Variants in VPS13B observed in about 807,000 individuals in gnomAD.
The protein encoded by VPS13B is intermembrane lipid transfer protein VPS13B.
A neutral mutation model predicts 426.4 loss-of-function variants in VPS13B; 285 were observed. The ratio of observed to expected loss-of-function variants is 0.67; its 90% CI spans 0.61 to 0.74. The LOEUF is 0.74. Ranked by LOEUF, VPS13B falls within the 30% of genes least tolerant of loss-of-function variation. The pLI is 0.00. For missense variants in VPS13B, 4,537 were observed against 4,782.6 expected, an observed-to-expected ratio of 0.95 and a Z score of 1.51; for synonymous variants, 1,676 against 1,676.4, an observed-to-expected ratio of 1.00 and a Z score of 0.01.
intron 17 of VPS13B, among the ~76,000 whole-genome samples, chr8:99,204,196 A>G (rs1350617525): frequency 1.3e-5 from 2 of 152,254 alleles, no homozygotes; most frequent in Non-Finnish European, 2.9e-5. Context: ...GGCCTCAGAA[A>G]TAACACCACA....
At chr8:99,253,789 C>A (rs188461367) in intron 17 of VPS13B, among the ~76,000 whole-genome samples, 4 of 152,080 alleles carry the variant, frequency 2.6e-5, no homozygotes, top group Admixed American at 2.6e-4. Flanking sequence ...TTTGCTATCT[C>A]TGTTTTTCAT....
In VPS13B at chr8:99,492,949, C is replaced by T. The variant is rs561938806; in HGVS notation, c.3871-8738C>T. On this transcript the variant is annotated intron_variant, in intron 25 of 61. Coordinates refer to ENST00000357162, the MANE Select transcript of VPS13B (RefSeq NM_152564.5). Reference sequence around the variant, plus strand: ...TGCAGAAATCACCCATCTTCTGCGTCGATCTCACTGGGAGCTGTAGGCTAG... The same window carrying T: ...TGCAGAAATCACCCATCTTCTGCGTTGATCTCACTGGGAGCTGTAGGCTAG... Among the ~76,000 whole-genome samples, 4 of 152,260 alleles carry T rather than the reference C, an allele frequency of 2.6e-5. No individual in the cohort carries two copies. In the South Asian group the frequency reaches 8.3e-4, roughly 32 times the overall value.
chr8:99,626,856 C>G (rs114113785), intron 33 of VPS13B, among the ~76,000 whole-genome samples: 1 of 152,242 alleles, frequency 6.6e-6, no homozygotes, highest in African/African-American at 2.4e-5. Flanking sequence ...TTCACAATAG[C>G]TAGGAGTCAA....
chr8:99,324,327 G>A (rs923280175), intron 19 of VPS13B, among the ~76,000 whole-genome samples: 1 of 152,136 alleles, frequency 6.6e-6, no homozygotes, highest in Non-Finnish European at 1.5e-5. Context: ...CAGCTTTTAA[G>A]TACTGCCCAT....
At chr8:99,593,607 T>C (rs1042755726) in intron 33 of VPS13B, among the ~76,000 whole-genome samples, 2 of 152,092 alleles carry the variant, frequency 1.3e-5, no homozygotes, top group African/African-American at 4.8e-5. Flanking sequence ...TACATGCACG[T>C]ATATGTTCAT....
At chr8:99,848,628 A>C (rs1364960684) in intron 54 of VPS13B, 148 bp from the exon 55 acceptor site, 16 of 764,144 alleles carry the variant, frequency 2.1e-5, no homozygotes, top group Non-Finnish European at 3.3e-5. Flanking sequence ...ATTTCAAGTC[A>C]ACTGAATAGC....
At chr8:99,091,614 C>T (rs1846153489) in intron 3 of VPS13B, 1 of 152,036 alleles carries the variant, frequency 6.6e-6, no homozygotes, top group African/African-American at 2.4e-5. Flanking sequence ...CTATTTTTAC[C>T]ATGAAAGTTA....
intron 30 of VPS13B, among the ~76,000 whole-genome samples, chr8:99,521,316 C>T (rs547886057): frequency 7.0e-4 from 106 of 152,240 alleles, no homozygotes; most frequent in Admixed American, 1.4e-3. Context: ...CATAAGAAAA[C>T]GAGGTCCTCT....
intron 34 of VPS13B, among the ~76,000 whole-genome samples, chr8:99,652,507 T>C (rs552585107): frequency 6.6e-6 from 1 of 152,190 alleles, no homozygotes; most frequent in South Asian, 2.1e-4. Context: ...TCAATGTAAT[T>C]CTAGCTATTG....
At chr8:99,565,705 G>A (rs192681152) in intron 31 of VPS13B, among the ~76,000 whole-genome samples, 140 of 152,108 alleles carry the variant, frequency 9.2e-4, no homozygotes, top group Middle Eastern at 6.8e-3. Context: ...TTCCAGAATT[G>A]CATCTGGAAT....
intron 24 of VPS13B, among the ~76,000 whole-genome samples, chr8:99,476,900 A>G (rs1360424112): frequency 6.6e-6 from 1 of 152,170 alleles, no homozygotes; most frequent in African/African-American, 2.4e-5. Flanking sequence ...GAGTTTGCTC[A>G]TTCGTGAATT....
chr8:99,094,538 GTGT>G (rs1196045051), intron 3 of VPS13B, among the ~76,000 whole-genome samples: 4 of 152,148 alleles, frequency 2.6e-5, no homozygotes, highest in African/African-American at 4.8e-5. Flanking sequence ...AAAATTTTCA[GTGT>G]TGTTTATGGT....
chr8:99,336,545 A>T (rs962235054), intron 19 of VPS13B, among the ~76,000 whole-genome samples: 2 of 152,204 alleles, frequency 1.3e-5, no homozygotes, highest in African/African-American at 4.8e-5. Context: ...GCTTCTGCAC[A>T]GCAAAAGAAA....
chr8:99,515,191 G>A (rs1486655055), intron 29 of VPS13B, among the ~76,000 whole-genome samples: 1 of 152,100 alleles, frequency 6.6e-6, no homozygotes, highest in Non-Finnish European at 1.5e-5. Flanking sequence ...TTTCTGTGGG[G>A]CTTTTTTAGT....
chr8:99,084,445 C>CT (rs769788453), intron 3 of VPS13B, among the ~76,000 whole-genome samples: 85 of 152,256 alleles, frequency 5.6e-4, no homozygotes, highest in African/African-American at 8.7e-4. Context: ...TTTTGTGTCT[C>CT]TGTTTCCTTC....
At chr8:99,026,341 A>G (rs1304575311) in intron 2 of VPS13B, among the ~76,000 whole-genome samples, 2 of 152,108 alleles carry the variant, frequency 1.3e-5, no homozygotes, top group Non-Finnish European at 2.9e-5. Flanking sequence ...GTTTTATTCT[A>G]TTGTGGTTAG....
At chr8:99,402,917 G>C (rs1218497211) in intron 21 of VPS13B, among the ~76,000 whole-genome samples, 1 of 152,162 alleles carries the variant, frequency 6.6e-6, no homozygotes, top group Non-Finnish European at 1.5e-5. Flanking sequence ...CCAATTGCCT[G>C]GTATTCCCCA....
rs541637840 is a variant in VPS13B, at chr8:99,234,234, A to G, written c.2516-39964A>G. 7 of 773,994 alleles carry G rather than the reference A, an allele frequency of 9.0e-6. No individual in the cohort carries two copies. The African/African-American group carries it at 1.2e-4, about 13-fold the overall frequency. The allele number at this position is 773,994 out of a possible 1,614,324, so 47.9% of individuals were successfully genotyped here. A position where few individuals can be genotyped will look rare whatever the true frequency, so the allele number is the denominator to read the frequency against. Reference sequence around the variant, plus strand: ...ATGCCCGCTTAGCTCCTCCATGGCTATTTTGCTTCTTCCCTTGTTGCATAT... The same window carrying G: ...ATGCCCGCTTAGCTCCTCCATGGCTGTTTTGCTTCTTCCCTTGTTGCATAT... On this transcript the variant is annotated intron_variant, in intron 17 of 61. Transcript: ENST00000357162.
chr8:99,360,528 C>T (rs1812504783), intron 19 of VPS13B, among the ~76,000 whole-genome samples: 1 of 151,960 alleles, frequency 6.6e-6, no homozygotes, highest in Admixed American at 6.6e-5. Flanking sequence ...CCGCCCGTCT[C>T]GGCCTCCTAA....
Sources: allele counts gnomAD v4.1 joint callset (sites outside exome capture counted in the v4.1 genomes callset), GRCh38; gene constraint gnomAD v4.1.1; transcripts MANE v1.5; gene names NCBI Gene and HGNC (gene_info 2026-07-23, HGNC 2026-07-21).